The following POLD2 variants were observed in gnomAD, a reference collection of about 807,000 sequenced individuals.
POLD2 encodes DNA polymerase delta 2, accessory subunit.
In POLD2, 31 loss-of-function variants were observed where a neutral mutation model predicts 48.8. That is an observed-to-expected ratio of 0.64 (90% CI 0.48 to 0.86). The LOEUF (loss-of-function observed/expected upper bound fraction) is 0.86. POLD2 is among the 40% of genes least tolerant of loss of function. The pLI is 0.00. For missense variants in POLD2, 455 were observed against 610.1 expected (o/e 0.75, Z 2.68); for synonymous variants, 233 against 256.3 (o/e 0.91, Z 0.87).
chr7:44,123,484 G>A (rs1583572572), intron 1 of POLD2, 27 bp downstream of exon 1: 5 of 1,495,776 alleles, frequency 3.3e-6, no homozygotes, highest in Middle Eastern at 2.4e-4. Flanking sequence ...ACCCCCAGCT[G>A]ACCCCGTTTC....
chr7:44,120,203 G>A (rs2096246361), intron 2 of POLD2, among the ~76,000 whole-genome samples: 1 of 152,230 alleles, frequency 6.6e-6, no homozygotes, highest in South Asian at 2.1e-4. Context: ...CACATTCACT[G>A]TGGCAGCTGT....
At chr7:44,120,256 G>C (rs960523721) in intron 2 of POLD2, among the ~76,000 whole-genome samples, 1 of 152,200 alleles carries the variant, frequency 6.6e-6, no homozygotes, top group Non-Finnish European at 1.5e-5. Context: ...AATCGCTATC[G>C]TCCATCACTG....
rs1263250896 is a variant in POLD2 at position 44,116,556 on chromosome 7, G to A, written c.781-46C>T. 2 of 1,441,898 alleles carry A rather than the reference G, an allele frequency of 1.4e-6. No individual in the cohort carries two copies. The highest frequency in any genetic ancestry group is 1.9e-6 in the Non-Finnish European group (2 of 1,047,560). 89.3% of individuals were successfully genotyped at this position (1,441,898 alleles called of 1,614,324 possible). ...GCCATCAGGCCCAGGCGAGTCCCAG[G>A]CTCAGAGGAGAGTAGAGCCCCACCA... On this transcript the variant is annotated intron_variant, in intron 6 of 10. Coordinates refer to ENST00000610533, the MANE Select transcript of POLD2 (RefSeq NM_006230.4). The surrounding 1 kb of genome is among the most constrained non-coding windows in gnomAD (Gnocchi z 6.1).
At position 44,116,193 on chromosome 7, in the gene POLD2, C is replaced by G. The variant is rs1257510167; in HGVS notation, c.941G>C (p.Cys314Ser). Residue 314 changes from cysteine to serine, a missense_variant, in exon 8 of 11, where the codon TGC becomes TCC. Coordinates refer to ENST00000610533, the MANE Select transcript of POLD2 (RefSeq NM_006230.4). This position sits in a 1 kb window ranked among gnomAD's most constrained non-coding sequence, Gnocchi z 6.1. ...GTAGGCAGTGGCCAGCGGGAACATG[C>G]AGGGGTGGAGGGGCTGCTGGGGGAG... ...YTLPQQPLHP[C>S]MFPLATAYST... The G allele has an allele frequency of 1.2e-6, 2 of 1,613,962 alleles. No homozygotes were observed. The highest frequency in any genetic ancestry group is 1.7e-6 in the Non-Finnish European group (2 of 1,179,994).
Position 44,118,050 on chromosome 7 carries a change from C to T in POLD2, c.235G>A (p.Val79Met). 1.2e-6 allele frequency: 2 copies of T among 1,614,208 alleles called. No individual in the cohort carries two copies. Among genetic ancestry groups the T allele is most frequent in the East Asian group, 2.2e-5 (1 of 44,886 alleles). The change falls in exon 3 of 11, where the codon GTG (valine) becomes ATG (methionine). Residue 79 changes from valine to methionine, a missense_variant. Around this residue, in one of 3 missense-constraint regions of POLD2, gnomAD observed 349 missense variants for 437.4 expected, o/e 0.80. Coordinates refer to ENST00000610533, the MANE Select transcript of POLD2 (RefSeq NM_006230.4). ...AQQHWGSGVG[V>M]KKLCELQPEE... Reference sequence around the variant, plus strand: ...GGCTGCAGTTCACACAGCTTCTTCACTCCCACTCCACTGCCTGGGACACGA... The same window carrying T: ...GGCTGCAGTTCACACAGCTTCTTCATTCCCACTCCACTGCCTGGGACACGA...
intron 2 of POLD2, among the ~76,000 whole-genome samples, chr7:44,118,676 C>G (rs1358673933): frequency 6.8e-6 from 1 of 146,456 alleles, no homozygotes; most frequent in Admixed American, 6.7e-5. Context: ...CCACGCCCAG[C>G]TAATTTTTTT....
At chr7:44,122,722 C>G (rs1181270387) in intron 1 of POLD2, among the ~76,000 whole-genome samples, 1 of 152,170 alleles carries the variant, frequency 6.6e-6, no homozygotes, top group Non-Finnish European at 1.5e-5. Context: ...CAAGGGGCCT[C>G]TGAACTCTTG....
rs767592154 is a variant in POLD2, at chr7:44,114,812, G to A, written c.1383C>T (p.Asp461=). 1.9e-6 allele frequency: 3 copies of A among 1,612,448 alleles called. No individual in the cohort carries two copies. The highest frequency in any genetic ancestry group is 1.3e-5 in the African/African-American group (1 of 74,910). Residue 461 remains aspartate, a synonymous_variant, in exon 11 of 11, where the codon GAC becomes GAT. Transcript: ENST00000610533. The stretch of plus-strand genomic sequence containing the variant: ...AGGGGCCCAGCCCCAGGCCTCCCAG[G>A]TCATCGTCCTCTGCCCCGAAGCCCG... ...SFSGFGAEDD[D]LGGLGLGP
chr7:44,123,299 G>C (rs1332673216), intron 1 of POLD2: 6 of 1,363,882 alleles, frequency 4.4e-6, no homozygotes, highest in Non-Finnish European at 5.6e-6. Context: ...TGGCTCGAAC[G>C]TGCTTGATGG....
At chr7:44,118,902 T>C (rs915100456) in intron 2 of POLD2, among the ~76,000 whole-genome samples, 5 of 152,178 alleles carry the variant, frequency 3.3e-5, no homozygotes, top group African/African-American at 1.2e-4. Flanking sequence ...GCTTCACTTA[T>C]ACCTAAATTA....
upstream of POLD2, chr7:44,123,672 C>G: frequency 7.3e-7 from 1 of 1,370,514 alleles, no homozygotes; most frequent in South Asian, 1.6e-5. Context: ...GACCACTGTG[C>G]GCCCAGTCCC....
Position 44,123,524 on chromosome 7 carries a change from G to T in POLD2, c.-70C>A. The T allele has an allele frequency of 1.4e-6, 2 of 1,479,750 alleles. No homozygotes were observed. Among genetic ancestry groups the T allele is most frequent in the East Asian group, 2.9e-5 (1 of 34,276 alleles). 91.7% of individuals were successfully genotyped at this position (1,479,750 alleles called of 1,614,324 possible). A position where few individuals can be genotyped will look rare whatever the true frequency, so the allele number is the denominator to read the frequency against. ...GACCCCACTCACCGCGCGGCGCGCC[G>T]CATCCCGCCAATCCCCGCGCGCCTG... On this transcript the variant is annotated 5_prime_UTR_variant, in exon 1 of 11. Coordinates refer to ENST00000610533, the MANE Select transcript of POLD2 (RefSeq NM_006230.4).
At chr7:44,123,674 C>T (rs909186996), upstream of POLD2, 4 of 1,370,678 alleles carry the variant, frequency 2.9e-6, no homozygotes, top group Non-Finnish European at 2.8e-6. Flanking sequence ...CCACTGTGCG[C>T]CCAGTCCCTG....
At chr7:44,123,672 C>T (rs1352431321), upstream of POLD2, 50 of 1,370,396 alleles carry the variant, frequency 3.6e-5, 1 homozygote, top group South Asian at 7.7e-4. Context: ...GACCACTGTG[C>T]GCCCAGTCCC....
At position 44,117,165 on chromosome 7, in the gene POLD2, G is replaced by A. The variant is rs772967617; in HGVS notation, c.549C>T (p.Pro183=). 6.2e-7 allele frequency: 1 copy of A among 1,614,042 alleles called. No individual in the cohort carries two copies. The highest frequency in any genetic ancestry group is 8.5e-7 in the Non-Finnish European group (1 of 1,179,958). Residue 183 remains proline, a synonymous_variant, in exon 5 of 11, where the codon CCC becomes CCT. Coordinates refer to ENST00000610533, the MANE Select transcript of POLD2 (RefSeq NM_006230.4). ...VEDYCFADLA[P]QKPAPPLDTD... is the part of the protein sequence containing the mutation. ...TGTCAAGTGGGGGTGCGGGCTTCTG[G>A]GGAGCAAGGTCAGCAAAGCAATAGT...
At chr7:44,120,896 T>A (rs1015466679) in intron 2 of POLD2, among the ~76,000 whole-genome samples, 2 of 152,204 alleles carry the variant, frequency 1.3e-5, no homozygotes, top group African/African-American at 4.8e-5. Context: ...GACTAATACA[T>A]ATCCCTAATG....
chr7:44,121,781 CT>C lies in POLD2; in HGVS notation c.220+52del. 1 of 1,553,248 alleles carries C rather than the reference CT, an allele frequency of 6.4e-7. No individual in the cohort carries two copies. Among genetic ancestry groups the C allele is most frequent in the Non-Finnish European group, 8.8e-7 (1 of 1,141,706 alleles). Reference sequence around the variant, plus strand: ...ACTGTTCCCATTCTCTTGCAGAACACTTCTAAGTTCAGGGATGCTGTGGGGG... The same window carrying C: ...ACTGTTCCCATTCTCTTGCAGAACACTCTAAGTTCAGGGATGCTGTGGGGG... On this transcript the variant is annotated intron_variant, in intron 2 of 10. Coordinates refer to ENST00000610533, the MANE Select transcript of POLD2 (RefSeq NM_006230.4). The surrounding 1 kb of genome is among the most constrained non-coding windows in gnomAD (Gnocchi z 4.5).
Position 44,115,291 on chromosome 7 carries a change from T to C in POLD2, c.1249+4A>G, listed in dbSNP as rs372830970. On this transcript the variant is annotated splice_donor_region_variant and intron_variant, in intron 10 of 10. Transcript: ENST00000610533. ...AGCCTGGGCCCCCAGAAGACAAAAA[T>C]TACCTCGGATGATTTTGGAGCCAAA... The C allele has an allele frequency of 6.2e-7, 1 of 1,603,626 alleles. No individual in the cohort carries two copies. Among genetic ancestry groups the C allele is most frequent in the Non-Finnish European group, 8.5e-7 (1 of 1,170,466 alleles).
At position 44,116,617 on chromosome 7, in the gene POLD2, C is replaced by A; in HGVS notation, c.781-107G>T. On this transcript the variant is annotated intron_variant, in intron 6 of 10. Coordinates refer to ENST00000610533, the MANE Select transcript of POLD2 (RefSeq NM_006230.4). This position sits in a 1 kb window ranked among gnomAD's most constrained non-coding sequence, Gnocchi z 6.1. Reference sequence around the variant, plus strand: ...GCAGTTGTTGTCCCATAGACCCTCACTCCCTTCAAGCCTCCCACCATCCTC... The same window carrying A: ...GCAGTTGTTGTCCCATAGACCCTCAATCCCTTCAAGCCTCCCACCATCCTC... The A allele has an allele frequency of 9.4e-7, 1 of 1,059,126 alleles. No individual in the cohort carries two copies. The highest frequency in any genetic ancestry group is 1.4e-6 in the Non-Finnish European group (1 of 711,482). The allele number at this position is 1,059,126 out of a possible 1,614,324, so 65.6% of individuals were successfully genotyped here.
Sources: allele counts gnomAD v4.1 joint callset (sites outside exome capture counted in the v4.1 genomes callset), GRCh38; gene constraint gnomAD v4.1.1; regional missense constraint gnomAD v4.1.1; non-coding constraint Gnocchi (gnomAD v3.1); transcripts MANE v1.5; gene names NCBI Gene and HGNC (gene_info 2026-07-23, HGNC 2026-07-21).